NPIPB8: variants seen among roughly 807,000 people sequenced by gnomAD.
NPIPB8 encodes the protein nuclear pore complex-interacting protein family member B8.
NPIPB8 carries 3 observed loss-of-function variants against 5.3 expected under a neutral mutation model. The ratio of observed to expected loss-of-function variants is 0.57; its 90% CI spans 0.26 to 1.47. NPIPB8 has a LOEUF of 1.47. Ranked by LOEUF, NPIPB8 falls within the 40% of genes most tolerant of loss-of-function variation. The probability of loss-of-function intolerance (pLI) is 0.13; values close to 1 mark genes in which losing one functional copy is unlikely to be tolerated. For synonymous variants in NPIPB8, 18 were observed against 23.0 expected (o/e 0.78, Z 0.62); for missense variants, 50 against 50.2 (o/e 1.00, Z 0.01).
At chr16:28,642,182 T>A (rs1340332424) in intron 2 of NPIPB8, among the ~76,000 whole-genome samples, 1 of 151,560 alleles carries the variant, frequency 6.6e-6, no homozygotes, top group Non-Finnish European at 1.5e-5. Context: ...CTCGGCTCAC[T>A]GCAACCTCCG....
At chr16:28,655,568 TGA>T (rs781139762) in intron 5 of NPIPB8, 5 of 11,124 alleles carry the variant, frequency 4.5e-4, no homozygotes, top group Admixed American at 9.2e-4. Flanking sequence ...AGACATATCG[TGA>T]GAGAGAGAGA....
intron 2 of NPIPB8, among the ~76,000 whole-genome samples, chr16:28,641,153 C>T (rs1229813005): frequency 2.0e-5 from 3 of 151,888 alleles, no homozygotes; most frequent in Non-Finnish European, 4.4e-5. Context: ...TCCAATGGCC[C>T]TGGGTGACTC....
chr16:28,644,531 C>T (rs1446446797), intron 2 of NPIPB8: 2 of 1,374,086 alleles, frequency 1.5e-6, no homozygotes, highest in South Asian at 2.5e-5. Context: ...CTCCCCCCTG[C>T]CCTAAGCCAC....
chr16:28,638,177 T>A (rs1480969185), intron 1 of NPIPB8, 27 bp downstream of exon 1: 1 of 753,612 alleles, frequency 1.3e-6, no homozygotes, highest in Non-Finnish European at 2.1e-6. Context: ...TAATTTTGCA[T>A]GGCATGAAGT....
intron 1 of NPIPB8, 25 bp downstream of exon 1, chr16:28,638,175 C>G (rs2047825368): frequency 1.4e-6 from 1 of 726,200 alleles, no homozygotes; most frequent in Non-Finnish European, 2.2e-6. Context: ...AGTAATTTTG[C>G]ATGGCATGAA....
rs554163910 is a variant in NPIPB8 at position 28,642,859 on chromosome 16, G to A, written c.120+4379G>A. On this transcript the variant is annotated intron_variant, in intron 2 of 7. Transcript: ENST00000683297. ...TAAAGGCATTGGCTTTCCATTTGTA[G>A]CATCAATAGAATATTTCCTGTTCAC... is the stretch of plus-strand genomic sequence containing the variant. 4.3e-4 allele frequency among the ~76,000 whole-genome samples: 65 copies of A among 152,154 alleles called. No individual in the cohort carries two copies. The South Asian group carries it at 0.013, about 30-fold the overall frequency.
At chr16:28,642,553 C>T (rs1254248965) in intron 2 of NPIPB8, among the ~76,000 whole-genome samples, 10 of 151,112 alleles carry the variant, frequency 6.6e-5, no homozygotes, top group African/African-American at 1.5e-4. Flanking sequence ...GGTGCAATCT[C>T]GGCTCACTGC....
chr16:28,642,982 G>C (rs951690535), intron 2 of NPIPB8, among the ~76,000 whole-genome samples: 3 of 152,218 alleles, frequency 2.0e-5, no homozygotes, highest in Admixed American at 1.3e-4. Context: ...GTGTGATCGG[G>C]CGGAAGGCCT....
In NPIPB8 at chr16:28,645,964, T is replaced by TTGA. The variant is rs1233882074; in HGVS notation, c.121-2170_121-2168dup. Among the ~76,000 whole-genome samples, 2 of 14,858 alleles carry TTGA rather than the reference T, an allele frequency of 1.3e-4. 1 individual carries two copies. The highest frequency in any genetic ancestry group is 2.1e-4 in the Non-Finnish European group (2 of 9,676). The allele number at this position is 14,858 out of a possible 152,430, so 9.7% of individuals were successfully genotyped here. A position where few individuals can be genotyped will look rare whatever the true frequency, so the allele number is the denominator to read the frequency against. On this transcript the variant is annotated intron_variant, in intron 2 of 7. Transcript: ENST00000683297. ...CTCAGCATATGCTGAGTTCAACCTG[T>TTGA]TGAAGGGCTATCTCTGTTTAATTCA...
rs1480921491 is a variant in NPIPB8 at position 28,639,453 on chromosome 16, A to AT, written c.120+974dup. 4.9e-3 allele frequency among the ~76,000 whole-genome samples: 397 copies of AT among 81,530 alleles called. 8 individuals carry two copies. In the South Asian group the frequency reaches 0.051, roughly 10 times the overall value. The allele number at this position is 81,530 out of a possible 152,430, so 53.5% of individuals were successfully genotyped here. A position where few individuals can be genotyped will look rare whatever the true frequency, so the allele number is the denominator to read the frequency against. On this transcript the variant is annotated intron_variant, in intron 2 of 7. Transcript: ENST00000683297. Reference sequence around the variant, plus strand: ...GACACACACACACACACATATATATATATTTTTTTTTTTTTTTTTTTGAGA... The same window carrying AT: ...GACACACACACACACACATATATATATTATTTTTTTTTTTTTTTTTTTGAGA...
chr16:28,638,311 A>G lies in NPIPB8; in HGVS notation c.-38-12A>G, dbSNP rs769035262. ...CTCATTCAACAAACTTTTTTTCTTAATTGTCTAATAGGTTGGCACTCATCA... is the reference window on the plus strand; with the variant it reads ...CTCATTCAACAAACTTTTTTTCTTAGTTGTCTAATAGGTTGGCACTCATCA... On this transcript the variant is annotated splice_polypyrimidine_tract_variant and intron_variant, in intron 1 of 7. Coordinates refer to ENST00000683297, the MANE Select transcript of NPIPB8 (RefSeq NM_001310136.2). 2.4e-4 allele frequency: 381 copies of G among 1,557,012 alleles called. 2 individuals carry two copies. Among genetic ancestry groups the G allele is most frequent in the Admixed American group, 1.1e-3 (60 of 53,024 alleles).
At chr16:28,651,654 G>C (rs1481809887) in intron 3 of NPIPB8, among the ~76,000 whole-genome samples, 2 of 90,992 alleles carry the variant, frequency 2.2e-5, no homozygotes, top group Non-Finnish European at 4.4e-5. Context: ...GTGAGAGACA[G>C]AGTCTCATTC....
rs2047969906 is a variant in NPIPB8, at chr16:28,644,758, G to A, written c.121-3377G>A. 5 of 566,162 alleles carry A rather than the reference G, an allele frequency of 8.8e-6. No homozygotes were observed. The Admixed American group carries it at 9.1e-5, about 10-fold the overall frequency. 35.1% of individuals were successfully genotyped at this position (566,162 alleles called of 1,614,324 possible). ...GCCTGTAATCCCAGCACTTTAGGGG[G>A]CCGAGGTGGGCAGATCACTTGAGTC... On this transcript the variant is annotated intron_variant, in intron 2 of 7. Transcript: ENST00000683297.
chr16:28,652,673 C>G lies in NPIPB8; in HGVS notation c.599+309C>G, dbSNP rs1411612861. ...TTGCCCAGGCTGTAGTGCAATGGCA[C>G]AATCTCAGCTCACTGCCTTTTGGCT... On this transcript the variant is annotated intron_variant, in intron 5 of 7. Coordinates refer to ENST00000683297, the MANE Select transcript of NPIPB8 (RefSeq NM_001310136.2). Among the ~76,000 whole-genome samples, 2 of 123,756 alleles carry G rather than the reference C, an allele frequency of 1.6e-5. 1 individual carries two copies. Among genetic ancestry groups the G allele is most frequent in the Non-Finnish European group, 3.4e-5 (2 of 58,366 alleles). 81.2% of individuals were successfully genotyped at this position (123,756 alleles called of 152,430 possible).
At chr16:28,639,800 C>A (rs1321945095) in intron 2 of NPIPB8, among the ~76,000 whole-genome samples, 2 of 150,436 alleles carry the variant, frequency 1.3e-5, no homozygotes, top group South Asian at 2.1e-4. Flanking sequence ...AAAACACTGG[C>A]TATGAAAGAA....
intron 2 of NPIPB8, among the ~76,000 whole-genome samples, chr16:28,641,304 G>A (rs996921226): frequency 2.7e-5 from 4 of 150,848 alleles, no homozygotes; most frequent in African/African-American, 9.8e-5. Flanking sequence ...TGGGGGTAGT[G>A]GTCAGCCAGA....
intron 3 of NPIPB8, among the ~76,000 whole-genome samples, chr16:28,650,961 A>T (rs1277887359): frequency 9.8e-6 from 1 of 101,858 alleles, no homozygotes; most frequent in Non-Finnish European, 1.8e-5. Context: ...TGTACAGTTC[A>T]GTTGTGTGAA....
At chr16:28,642,445 T>A (rs2047917217) in intron 2 of NPIPB8, among the ~76,000 whole-genome samples, 1 of 151,258 alleles carries the variant, frequency 6.6e-6, no homozygotes, top group African/African-American at 2.4e-5. Flanking sequence ...TAAAAAGAAT[T>A]GAATTCCATA....
chr16:28,638,291 T>C (rs1596669793), intron 1 of NPIPB8, 32 bp from the exon 2 acceptor site: 1 of 1,540,770 alleles, frequency 6.5e-7, no homozygotes, highest in East Asian at 2.4e-5. Context: ...TTCCACTCAT[T>C]CAACAAACTT....
Sources: gnomAD v4.1 joint callset for allele counts (sites outside exome capture counted in the v4.1 genomes callset) on GRCh38, gnomAD v4.1.1 for gene constraint, MANE v1.5 for transcripts, NCBI Gene and HGNC (gene_info 2026-07-23, HGNC 2026-07-21) for gene names.